Variants in DOCK8 observed in about 807,000 individuals in gnomAD.
The protein encoded by DOCK8 is dedicator of cytokinesis protein 8.
DOCK8 carries 141 observed loss-of-function variants against 245.6 expected under a neutral mutation model. The observed-to-expected ratio is 0.57, with a 90% CI of 0.50 to 0.66. The LOEUF (loss-of-function observed/expected upper bound fraction) is 0.66. DOCK8 is among the 30% of genes least tolerant of loss of function. DOCK8 has a pLI of 0.00. For synonymous variants in DOCK8, 1,168 were observed against 970.2 expected (o/e 1.20, Z -3.79); for missense variants, 2,965 against 2,603.4 (o/e 1.14, Z -3.02).
chr9:441,379 A>G lies in DOCK8; in HGVS notation c.5317A>G (p.Ser1773Gly). Residue 1773 changes from serine (S) to glycine (G), a missense_variant, in exon 41 of 48, where the codon AGC becomes GGC. Physicochemically the swap from Ser to Gly is moderately conservative, Grantham distance 56. This residue lies in a region of DOCK8 where 2,825 missense variants were observed against 2,453.5 expected (regional missense o/e 1.15). Transcript: ENST00000432829. ...ATTCCGGAAGCTGACACTCACTCAC[A>G]GCAAGCTGCAGAGAGCCTTCGACAG... ...REFRKLTLTH[S>G]KLQRAFDSIV... 1 of 1,614,192 alleles carries G rather than the reference A, an allele frequency of 6.2e-7. No individual in the cohort carries two copies. The highest frequency in any genetic ancestry group is 1.3e-5 in the African/African-American group (1 of 75,050).
intron 4 of DOCK8, among the ~76,000 whole-genome samples, chr9:290,532 G>A (rs1037225546): frequency 6.6e-6 from 1 of 152,194 alleles, no homozygotes; most frequent in South Asian, 2.1e-4. Flanking sequence ...CTTCCAGTAA[G>A]GGATCTTTCT....
chr9:313,883 A>G (rs560805123), intron 6 of DOCK8, among the ~76,000 whole-genome samples: 1 of 152,376 alleles, frequency 6.6e-6, no homozygotes, highest in East Asian at 1.9e-4. Context: ...CGATGTATAC[A>G]TAGATCAAAA....
At chr9:312,591 C>CT (rs2050175180) in intron 6 of DOCK8, 1 of 367,208 alleles carries the variant, frequency 2.7e-6, no homozygotes, top group Non-Finnish European at 5.3e-6. Flanking sequence ...TTAATGGTCT[C>CT]TATGAGCAAC....
chr9:289,728 A>T (rs1224234956), intron 4 of DOCK8, 147 bp downstream of exon 4: 1 of 638,246 alleles, frequency 1.6e-6, no homozygotes, highest in African/African-American at 1.8e-5. Flanking sequence ...CCTTATCCCC[A>T]CTCCATATCA....
chr9:421,981 G>T, intron 32 of DOCK8, 67 bp from the exon 33 acceptor site: 1 of 1,373,694 alleles, frequency 7.3e-7, no homozygotes, highest in East Asian at 2.3e-5. Flanking sequence ...AGCTTGTTAT[G>T]AACTTCTGGT....
intron 14 of DOCK8, among the ~76,000 whole-genome samples, chr9:351,096 C>T (rs1027249179): frequency 4.6e-5 from 7 of 152,090 alleles, no homozygotes; most frequent in Admixed American, 6.6e-5. Flanking sequence ...GGGATGCCAG[C>T]GACATCCCTA....
At chr9:365,991 C>T (rs140553747) in intron 14 of DOCK8, 302 of 193,778 alleles carry the variant, frequency 1.6e-3, no homozygotes, top group African/African-American at 6.6e-3. Context: ...AGACAGAGCA[C>T]GATTTGGGAA....
chr9:220,419 T>C (rs992338854), intron 1 of DOCK8, among the ~76,000 whole-genome samples: 1 of 152,176 alleles, frequency 6.6e-6, no homozygotes, highest in Non-Finnish European at 1.5e-5. Flanking sequence ...TAGTAACATG[T>C]AGTTGCCCAG....
chr9:316,653 G>A (rs1053692206), intron 6 of DOCK8, among the ~76,000 whole-genome samples: 1 of 152,172 alleles, frequency 6.6e-6, no homozygotes, highest in East Asian at 1.9e-4. Flanking sequence ...ATACTTACTA[G>A]TAAAGCCCTT....
At chr9:399,746 A>G (rs1474910649) in intron 26 of DOCK8, among the ~76,000 whole-genome samples, 1 of 152,072 alleles carries the variant, frequency 6.6e-6, no homozygotes, top group Admixed American at 6.5e-5. Flanking sequence ...CAAATATTTC[A>G]TAAACCAAGT....
chr9:369,725 A>G (rs978120572), intron 15 of DOCK8: 4 of 174,544 alleles, frequency 2.3e-5, no homozygotes, highest in African/African-American at 9.6e-5. Flanking sequence ...GGTCACTAAT[A>G]TAGCCCCTTG....
Position 233,874 on chromosome 9 carries a change from A to G in DOCK8, c.53+18845A>G, listed in dbSNP as rs1312239084. On this transcript the variant is annotated intron_variant, in intron 1 of 47. Coordinates refer to ENST00000432829, the MANE Select transcript of DOCK8 (RefSeq NM_203447.4). ...CCAATTTGCCAGTCTGTGTCTTTTAATTGGAGCATTTAGCCCATTTACATT... is the reference window on the plus strand; with the variant it reads ...CCAATTTGCCAGTCTGTGTCTTTTAGTTGGAGCATTTAGCCCATTTACATT... Among the ~76,000 whole-genome samples, 5 of 152,094 alleles carry G rather than the reference A, an allele frequency of 3.3e-5. No individual in the cohort carries two copies. The East Asian group carries it at 9.6e-4, about 29-fold the overall frequency.
At chr9:399,302 T>G in intron 26 of DOCK8, 43 bp downstream of exon 26, 5 of 1,166,826 alleles carry the variant, frequency 4.3e-6, no homozygotes, top group Non-Finnish European at 5.8e-6. Context: ...AGCCACTTGG[T>G]TCCTTCTCAT....
chr9:394,751 C>T (rs915444525), intron 24 of DOCK8, among the ~76,000 whole-genome samples: 4 of 152,314 alleles, frequency 2.6e-5, no homozygotes, highest in Middle Eastern at 6.8e-3. Flanking sequence ...GCCACAAAGG[C>T]CCATATAGGG....
intron 16 of DOCK8, 67 bp from the exon 17 acceptor site, chr9:371,361 G>T: frequency 1.3e-6 from 2 of 1,594,776 alleles, no homozygotes; most frequent in South Asian, 1.1e-5. Flanking sequence ...GGGCTGTGGC[G>T]TTTTACAATC....
chr9:333,600 CAAA>C (rs55727463), intron 10 of DOCK8, among the ~76,000 whole-genome samples: 6 of 121,126 alleles, frequency 5.0e-5, no homozygotes, highest in African/African-American at 5.7e-5. Flanking sequence ...GACTCTGTCT[CAAA>C]AAAAAAAAAA....
rs955740785 is a variant in DOCK8 at position 286,479 on chromosome 9, G to C, written c.175G>C (p.Val59Leu). The change falls in exon 3 of 48, where the codon GTG (valine) becomes CTG (leucine). Residue 59 changes from valine to leucine, a missense_variant. Physicochemically the swap from Val to Leu is conservative, Grantham distance 32 (BLOSUM62 1). This residue lies in a region of DOCK8 where 2,825 missense variants were observed against 2,453.5 expected (regional missense o/e 1.15). Transcript: ENST00000432829. The part of the protein sequence containing the change: ...SLQLPQFYDP[V>L]EPVDFEGLLM... ...CCTCCAGCCTCAGTTTTATGACCCT[G>C]TGGAGCCAGTGGACTTTGAAGGACT... is the stretch of plus-strand genomic sequence containing the variant. 2.5e-6 allele frequency: 4 copies of C among 1,613,774 alleles called. No individual in the cohort carries two copies. Among genetic ancestry groups the C allele is most frequent in the Non-Finnish European group, 3.4e-6 (4 of 1,179,878 alleles).
At chr9:436,817 C>G (rs1186903997) in intron 39 of DOCK8, among the ~76,000 whole-genome samples, 1 of 152,122 alleles carries the variant, frequency 6.6e-6, no homozygotes, top group Non-Finnish European at 1.5e-5. Context: ...TACATTCTAA[C>G]CAGAGAGACG....
At chr9:281,717 T>C (rs984164838) in intron 2 of DOCK8, among the ~76,000 whole-genome samples, 1 of 152,148 alleles carries the variant, frequency 6.6e-6, no homozygotes, top group African/African-American at 2.4e-5. Context: ...CCTGATAGTT[T>C]AGAGAACAGA....
Sources: allele counts gnomAD v4.1 joint callset (sites outside exome capture counted in the v4.1 genomes callset), GRCh38; gene constraint gnomAD v4.1.1; regional missense constraint gnomAD v4.1.1; transcripts MANE v1.5; gene names NCBI Gene and HGNC (gene_info 2026-07-23, HGNC 2026-07-21).